USP49: variants seen among roughly 807,000 people sequenced by gnomAD.
USP49 encodes the protein ubiquitin specific peptidase 49, also known as ubiquitin carboxyl-terminal hydrolase 49.
A neutral mutation model predicts 58.6 loss-of-function variants in USP49; 24 were observed. The ratio of observed to expected loss-of-function variants is 0.41; its 90% CI spans 0.30 to 0.58. The LOEUF (loss-of-function observed/expected upper bound fraction) is 0.58. USP49 is among the 20% of genes least tolerant of loss of function. The pLI, the probability that USP49 is intolerant of heterozygous loss-of-function variation, is 0.30. For synonymous variants in USP49, 408 were observed against 365.1 expected, an observed-to-expected ratio of 1.12 and a Z score of -1.34; for missense variants, 703 against 866.1, an observed-to-expected ratio of 0.81 and a Z score of 2.36.
chr6:41,836,987 T>C (rs1324720774), intron 3 of USP49, among the ~76,000 whole-genome samples: 1 of 152,196 alleles, frequency 6.6e-6, no homozygotes, highest in African/African-American at 2.4e-5. Flanking sequence ...AAATACTCTA[T>C]GCTCATGGAT....
intron 3 of USP49, among the ~76,000 whole-genome samples, chr6:41,846,400 C>T (rs539448341): frequency 2.4e-4 from 37 of 152,192 alleles, no homozygotes; most frequent in African/African-American, 8.9e-4. Flanking sequence ...GATCCTTCCC[C>T]AACAGAGACA....
At chr6:41,811,891 G>C (rs962580330) in intron 3 of USP49, among the ~76,000 whole-genome samples, 1 of 152,046 alleles carries the variant, frequency 6.6e-6, no homozygotes, top group African/African-American at 2.4e-5. Context: ...ATGAAGGGGA[G>C]GGAAAAATAT....
intron 3 of USP49, among the ~76,000 whole-genome samples, chr6:41,861,540 TA>T (rs1300933376): frequency 1.2e-4 from 18 of 152,172 alleles, no homozygotes; most frequent in Non-Finnish European, 2.4e-4. Context: ...TCCCTAGAGG[TA>T]ACTACTGTTA....
chr6:41,850,232 C>T (rs997905724), intron 3 of USP49, among the ~76,000 whole-genome samples: 1 of 151,984 alleles, frequency 6.6e-6, no homozygotes, highest in Non-Finnish European at 1.5e-5. Context: ...CACCTGAGGT[C>T]AGGAGTTCAA....
At chr6:41,864,330 A>G (rs1235936341) in intron 3 of USP49, among the ~76,000 whole-genome samples, 1 of 152,162 alleles carries the variant, frequency 6.6e-6, no homozygotes, top group Non-Finnish European at 1.5e-5. Context: ...TGGGAGGCTG[A>G]GGCGGGCGGA....
At chr6:41,865,234 G>A (rs370510596) in intron 3 of USP49, among the ~76,000 whole-genome samples, 2 of 151,890 alleles carry the variant, frequency 1.3e-5, no homozygotes, top group African/African-American at 2.4e-5. Context: ...TTGTAGAGAC[G>A]GGGTTTCACC....
intron 2 of USP49, among the ~76,000 whole-genome samples, chr6:41,878,377 C>A (rs548267396): frequency 1.4e-4 from 21 of 152,060 alleles, no homozygotes; most frequent in Non-Finnish European, 1.6e-4. Flanking sequence ...CGATCTTAGC[C>A]AGATTGGGAA....
rs1019782903 is a variant in USP49 at position 41,877,559 on chromosome 6, G to A, written c.-102-5922C>T. ...CTGGTCTAATGAATCACTCATATGG[G>A]ATCCCATTTTTTTTTTTTTTTTTGA... On this transcript the variant is annotated intron_variant, in intron 2 of 7. Transcript: ENST00000682992. Among the ~76,000 whole-genome samples, 3 of 137,244 alleles carry A rather than the reference G, an allele frequency of 2.2e-5. No individual in the cohort carries two copies. In the Admixed American group the frequency reaches 2.5e-4, roughly 12 times the overall value. 90.0% of individuals were successfully genotyped at this position (137,244 alleles called of 152,430 possible).
At chr6:41,880,350 G>A (rs9394837) in intron 2 of USP49, among the ~76,000 whole-genome samples, 29,688 of 151,946 alleles carry the variant, frequency 0.2, 3,298 homozygotes, top group East Asian at 0.29. Context: ...AAAACTGGGG[G>A]CAAGGAGGAA....
intron 3 of USP49, among the ~76,000 whole-genome samples, chr6:41,833,893 G>A (rs937817463): frequency 6.6e-6 from 1 of 152,234 alleles, no homozygotes; most frequent in African/African-American, 2.4e-5. Flanking sequence ...CTACGAAGCT[G>A]TTGCTGAATT....
At position 41,794,959 on chromosome 6, in the gene USP49, G is replaced by A. The variant is rs755412312; in HGVS notation, c.*1574C>T. 6.6e-6 allele frequency: 1 copy of A among 152,212 alleles called. No individual in the cohort carries two copies. Among genetic ancestry groups the A allele is most frequent in the Non-Finnish European group, 1.5e-5 (1 of 68,054 alleles). The allele number at this position is 152,212 out of a possible 1,614,324, so 9.4% of individuals were successfully genotyped here. On this transcript the variant is annotated 3_prime_UTR_variant, in exon 8 of 8. Coordinates refer to ENST00000682992, the MANE Select transcript of USP49 (RefSeq NM_001286554.2). ...ATCTCAAAAGAGGTCAACAGCAAAT[G>A]CTACAGATCTGTGTGGGAAATGTGG...
chr6:41,803,437 G>A lies in USP49; in HGVS notation c.1561+369C>T, dbSNP rs375437574. 1.2e-4 allele frequency among the ~76,000 whole-genome samples: 19 copies of A among 152,158 alleles called. No individual in the cohort carries two copies. The highest frequency in any genetic ancestry group is 4.1e-4 in the African/African-American group (17 of 41,424). ...TCCTGCCTCAGCCTCCCGAGTAGCT[G>A]GGATTACAGGCATCTGCCACTATGC... is the stretch of plus-strand genomic sequence containing the variant. On this transcript the variant is annotated intron_variant, in intron 5 of 7. Transcript: ENST00000682992. This position sits in a 1 kb window ranked among gnomAD's most constrained non-coding sequence, Gnocchi z 4.1.
intron 3 of USP49, chr6:41,833,115 T>C: frequency 6.6e-6 from 1 of 151,810 alleles, no homozygotes; most frequent in Admixed American, 6.6e-5. Flanking sequence ...CTCCCAGGTT[T>C]ACACCATTCT....
At position 41,806,598 on chromosome 6, in the gene USP49, G is replaced by A. The variant is rs769280291; in HGVS notation, c.386C>T (p.Pro129Leu). The A allele has an allele frequency of 4.4e-6, 7 of 1,607,160 alleles. No individual in the cohort carries two copies. Among genetic ancestry groups the A allele is most frequent in the African/African-American group, 1.3e-5 (1 of 74,880 alleles). ...SMASGEDVVL[P>L]QRAPQGQPQM... ...CGGCTGTCCCTGAGGAGCGCGCTGC[G>A]GCAGGACCACGTCCTCACCCGAAGC... is the stretch of plus-strand genomic sequence containing the variant. The change falls in exon 4 of 8, where the codon CCG (proline) becomes CTG (leucine). Residue 129 changes from proline (P) to leucine (L), a missense_variant. By Grantham distance (98) the Pro-to-Leu change is moderately conservative. Around this residue, in one of 6 missense-constraint regions of USP49, gnomAD observed 376 missense variants for 373.5 expected, o/e 1.01. Coordinates refer to ENST00000682992, the MANE Select transcript of USP49 (RefSeq NM_001286554.2). The surrounding 1 kb of genome is among the most constrained non-coding windows in gnomAD (Gnocchi z 5.9).
chr6:41,818,580 C>A (rs1364578271), intron 3 of USP49, among the ~76,000 whole-genome samples: 1 of 152,156 alleles, frequency 6.6e-6, no homozygotes, highest in Non-Finnish European at 1.5e-5. Flanking sequence ...TGAGCCACCC[C>A]AGGATCCTGT....
At chr6:41,827,698 T>A (rs935812692) in intron 3 of USP49, among the ~76,000 whole-genome samples, 5 of 121,506 alleles carry the variant, frequency 4.1e-5, no homozygotes, top group Admixed American at 2.5e-4. Flanking sequence ...AAAAAAAAAA[T>A]TTGCCTGGGT....
intron 3 of USP49, among the ~76,000 whole-genome samples, chr6:41,835,979 G>A (rs1023135989): frequency 2.6e-5 from 4 of 152,112 alleles, no homozygotes; most frequent in African/African-American, 9.7e-5. Flanking sequence ...TCAGGAGGCT[G>A]AGGTGAGAGG....
chr6:41,890,268 A>G (rs1582042566), intron 2 of USP49, among the ~76,000 whole-genome samples: 2 of 151,950 alleles, frequency 1.3e-5, no homozygotes, highest in Non-Finnish European at 2.9e-5. Context: ...AATCCCAGCT[A>G]CTAGGGAGGC....
intron 3 of USP49, among the ~76,000 whole-genome samples, chr6:41,820,826 C>G (rs1773440024): frequency 6.6e-6 from 1 of 151,886 alleles, no homozygotes; most frequent in Non-Finnish European, 1.5e-5. Context: ...ATGGTGAGAC[C>G]CCATCTCTAC....
Sources: gnomAD v4.1 joint callset for allele counts (sites outside exome capture counted in the v4.1 genomes callset) on GRCh38, gnomAD v4.1.1 for gene constraint, gnomAD v4.1.1 regional missense constraint, Gnocchi (gnomAD v3.1) non-coding constraint, MANE v1.5 for transcripts, NCBI Gene and HGNC (gene_info 2026-07-23, HGNC 2026-07-21) for gene names.